The following SLC35G1 variants were observed in gnomAD, a reference collection of about 807,000 sequenced individuals.
SLC35G1 encodes the protein partner of STIM1.
A neutral mutation model predicts 17.1 loss-of-function variants in SLC35G1; 10 were observed. The observed-to-expected ratio is 0.59, with a 90% CI of 0.36 to 0.99. The LOEUF is 0.99. Among genes scored for constraint, SLC35G1 ranks in the 50% least tolerant of loss-of-function variants. The pLI, the probability that SLC35G1 is intolerant of heterozygous loss-of-function variation, is 0.01. For missense variants in SLC35G1, 433 were observed against 468.4 expected (o/e 0.92, Z 0.70); for synonymous variants, 185 against 181.1 (o/e 1.02, Z -0.18).
chr10:93,906,670 G>T (rs1014405554), downstream of SLC35G1, among the ~76,000 whole-genome samples: 1 of 152,088 alleles, frequency 6.6e-6, no homozygotes, highest in African/African-American at 2.4e-5. Flanking sequence ...CATTTTCATG[G>T]GGTTTTTTTA....
downstream of SLC35G1, among the ~76,000 whole-genome samples, chr10:93,905,340 G>C (rs923118788): frequency 3.3e-5 from 5 of 152,052 alleles, no homozygotes; most frequent in Non-Finnish European, 7.4e-5. Context: ...ATGGGTGAAG[G>C]TTGGATATAT....
Position 93,903,142 on chromosome 10 carries a change from A to G in SLC35G1, c.*1652A>G, listed in dbSNP as rs2060405319. 6.6e-6 allele frequency: 1 copy of G among 152,124 alleles called. No individual in the cohort carries two copies. Among genetic ancestry groups the G allele is most frequent in the African/African-American group, 2.4e-5 (1 of 41,422 alleles). The allele number at this position is 152,124 out of a possible 1,614,324, so 9.4% of individuals were successfully genotyped here. On this transcript the variant is annotated 3_prime_UTR_variant, in exon 3 of 3. Coordinates refer to ENST00000427197, the MANE Select transcript of SLC35G1 (RefSeq NM_001134658.3). ...CTTTTCCAATAGTTCCAATGGGGGA[A>G]TTTTTGGCTTGCTGATTTTATCAAT...
At chr10:93,898,868 C>G (rs2060356055) in intron 2 of SLC35G1, 117 bp downstream of exon 2, 1 of 1,001,774 alleles carries the variant, frequency 1.0e-6, no homozygotes, top group African/African-American at 1.7e-5. Flanking sequence ...GTTCCTATGC[C>G]CCTTGGCTCT....
In SLC35G1 at chr10:93,894,110, G is replaced by T. The variant is rs527642937; in HGVS notation, c.77G>T (p.Gly26Val). The part of the protein sequence containing the change: ...GLPLTDDAPP[G>V]ATEEPAAAEA... ...CCGCTAACGGACGATGCACCCCCGG[G>T]CGCCACTGAGGAGCCGGCGGCCGCC... Residue 26 changes from glycine (G) to valine (V), a missense_variant, in exon 1 of 3, where the codon GGC becomes GTC. By Grantham distance (109) the Gly-to-Val change is moderately radical. Transcript: ENST00000427197. 3.3e-4 allele frequency: 484 copies of T among 1,488,860 alleles called. No homozygotes were observed. The highest frequency in any genetic ancestry group is 4.1e-4 in the Non-Finnish European group (460 of 1,127,068). The allele number at this position is 1,488,860 out of a possible 1,614,324, so 92.2% of individuals were successfully genotyped here. A position where few individuals can be genotyped will look rare whatever the true frequency, so the allele number is the denominator to read the frequency against.
At position 93,901,365 on chromosome 10, in the gene SLC35G1, G is replaced by A; in HGVS notation, c.973G>A (p.Ala325Thr). ...AIMKTMDVVFAFIFQIIFFNN... is the reference protein window; with the variant it reads ...AIMKTMDVVFTFIFQIIFFNN... ...AATGAAGACAATGGATGTGGTCTTT[G>A]CTTTTATCTTTCAGATTATTTTCTT... The change falls in exon 3 of 3, where the codon GCT becomes ACT. Residue 325 changes from alanine (A) to threonine (T), a missense_variant. Ala to Thr is a moderately conservative substitution (Grantham distance 58). Transcript: ENST00000427197. The A allele has an allele frequency of 6.2e-7, 1 of 1,614,010 alleles. No homozygotes were observed. The highest frequency in any genetic ancestry group is 1.7e-5 in the Admixed American group (1 of 59,996).
chr10:93,906,096 C>T (rs1466061640), downstream of SLC35G1, among the ~76,000 whole-genome samples: 1 of 152,120 alleles, frequency 6.6e-6, no homozygotes, highest in Admixed American at 6.5e-5. Flanking sequence ...CAAGAACATA[C>T]CAGAAAGAGA....
Position 93,894,041 on chromosome 10 carries a change from C to G in SLC35G1, c.8C>G (p.Pro3Arg). 2 of 1,465,628 alleles carry G rather than the reference C, an allele frequency of 1.4e-6. No homozygotes were observed. The highest frequency in any genetic ancestry group is 1.3e-5 in the South Asian group (1 of 76,182). 90.8% of individuals were successfully genotyped at this position (1,465,628 alleles called of 1,614,324 possible). Residue 3 changes from proline to arginine, a missense_variant, in exon 1 of 3, where the codon CCT (proline) becomes CGT (arginine). Physicochemically the swap from Pro to Arg is moderately radical, Grantham distance 103. Transcript: ENST00000427197. The stretch of plus-strand genomic sequence containing the variant: ...TAGAGCGCGTGCCGCGAGATGCGGC[C>G]TCAGGACAGCACCGGGGTCGCGGAG... MR[P>R]QDSTGVAELQ...
intron 1 of SLC35G1, among the ~76,000 whole-genome samples, chr10:93,897,395 A>G (rs1311538225): frequency 1.3e-5 from 2 of 152,222 alleles, no homozygotes; most frequent in African/African-American, 4.8e-5. Context: ...ATCACATTAT[A>G]AAGTCCTAGA....
At chr10:93,907,009 A>G (rs1482163628), downstream of SLC35G1, 3 of 152,220 alleles carry the variant, frequency 2.0e-5, no homozygotes, top group Admixed American at 2.0e-4. Flanking sequence ...ATAAAAAGCA[A>G]TGCCACTCTT....
Position 93,903,235 on chromosome 10 carries a change from A to G in SLC35G1, c.*1745A>G, listed in dbSNP as rs988223420. On this transcript the variant is annotated 3_prime_UTR_variant, in exon 3 of 3. Coordinates refer to ENST00000427197, the MANE Select transcript of SLC35G1 (RefSeq NM_001134658.3). ...GAGTCATCTCTGTTCCACCTGATTT[A>G]CAGTATTGGAATTTAGACTTGCAAA... 2 of 152,176 alleles carry G rather than the reference A, an allele frequency of 1.3e-5. No individual in the cohort carries two copies. Among genetic ancestry groups the G allele is most frequent in the Non-Finnish European group, 1.5e-5 (1 of 68,030 alleles). The allele number at this position is 152,176 out of a possible 1,614,324, so 9.4% of individuals were successfully genotyped here. A position where few individuals can be genotyped will look rare whatever the true frequency, so the allele number is the denominator to read the frequency against.
In SLC35G1 at chr10:93,901,376, T is replaced by G. The variant is rs995205815; in HGVS notation, c.984T>G (p.Phe328Leu). The change falls in exon 3 of 3, where the codon TTT (phenylalanine) becomes TTG (leucine). Residue 328 changes from phenylalanine to leucine, a missense_variant. Physicochemically the swap from Phe to Leu is conservative, Grantham distance 22. Transcript: ENST00000427197. ...KTMDVVFAFI[F>L]QIIFFNNVPT... ...TGGATGTGGTCTTTGCTTTTATCTTTCAGATTATTTTCTTTAATAATGTGC... is the reference window on the plus strand; with the variant it reads ...TGGATGTGGTCTTTGCTTTTATCTTGCAGATTATTTTCTTTAATAATGTGC... 1.2e-6 allele frequency: 2 copies of G among 1,614,108 alleles called. No homozygotes were observed. The highest frequency in any genetic ancestry group is 1.7e-6 in the Non-Finnish European group (2 of 1,179,972).
At position 93,901,283 on chromosome 10, in the gene SLC35G1, G is replaced by A. The variant is rs751871980; in HGVS notation, c.891G>A (p.Gly297=). 1 of 1,613,832 alleles carries A rather than the reference G, an allele frequency of 6.2e-7. No homozygotes were observed. The highest frequency in any genetic ancestry group is 1.1e-5 in the South Asian group (1 of 91,044). The change falls in exon 3 of 3, where the codon GGG becomes GGA. Residue 297 remains glycine, a synonymous_variant. Coordinates refer to ENST00000427197, the MANE Select transcript of SLC35G1 (RefSeq NM_001134658.3). ...FLIFIGLFGL[G]GQIFITKALQ... ...TATTCATTGGGCTCTTTGGTTTGGG[G>A]GGTCAGATATTTATCACAAAAGCAC...
In SLC35G1 at chr10:93,900,800, A is replaced by G; in HGVS notation, c.408A>G (p.Arg136=). Residue 136 remains arginine (R), a synonymous_variant, in exon 3 of 3, where the codon AGA becomes AGG. Transcript: ENST00000427197. The part of the protein sequence containing the change: ...PKGQRIFLIL[R]GVLGSTAMML... ...GTCAACGAATTTTCCTCATTCTCAGAGGAGTCCTTGGTTCTACCGCCATGA... is the reference window on the plus strand; with the variant it reads ...GTCAACGAATTTTCCTCATTCTCAGGGGAGTCCTTGGTTCTACCGCCATGA... 3 of 1,613,308 alleles carry G rather than the reference A, an allele frequency of 1.9e-6. No homozygotes were observed. The highest frequency in any genetic ancestry group is 2.5e-6 in the Non-Finnish European group (3 of 1,179,444).
At position 93,900,984 on chromosome 10, in the gene SLC35G1, A is replaced by G. The variant is rs1479780755; in HGVS notation, c.592A>G (p.Ile198Val). 1 of 1,614,046 alleles carries G rather than the reference A, an allele frequency of 6.2e-7. No homozygotes were observed. The highest frequency in any genetic ancestry group is 1.3e-5 in the African/African-American group (1 of 75,030). The change falls in exon 3 of 3, where the codon ATC (isoleucine) becomes GTC (valine). Residue 198 changes from isoleucine (I) to valine (V), a missense_variant. Coordinates refer to ENST00000427197, the MANE Select transcript of SLC35G1 (RefSeq NM_001134658.3). The stretch of plus-strand genomic sequence containing the variant: ...CACCGTGTTCACAATCACTGGAGTG[A>G]TCCTTATCGTGAGACCACCATTTTT... ...LFTVFTITGV[I>V]LIVRPPFLFG...
At chr10:93,896,904 T>TTTCTATGTAGGGGTTGAGTTTC (rs2060335573) in intron 1 of SLC35G1, among the ~76,000 whole-genome samples, 1 of 151,912 alleles carries the variant, frequency 6.6e-6, no homozygotes, top group African/African-American at 2.4e-5. Flanking sequence ...GAGGGTGGAG[T>TTTCTATGTAGGGGTTGAGTTTC]TTCTATGTAG....
At chr10:93,898,382 A>T (rs1001245984) in intron 1 of SLC35G1, among the ~76,000 whole-genome samples, 189 bp from the exon 2 acceptor site, 1 of 152,204 alleles carries the variant, frequency 6.6e-6, no homozygotes, top group Non-Finnish European at 1.5e-5. Flanking sequence ...TGCAGGTTTA[A>T]ATTGTTATCC....
At chr10:93,899,713 C>G (rs1456279399) in intron 2 of SLC35G1, among the ~76,000 whole-genome samples, 1 of 152,176 alleles carries the variant, frequency 6.6e-6, no homozygotes, top group Non-Finnish European at 1.5e-5. Context: ...CTGCAAATTT[C>G]TGTCAATGCG....
chr10:93,894,615 G>T (rs1820363), intron 1 of SLC35G1, among the ~76,000 whole-genome samples: 12,331 of 151,966 alleles, frequency 0.081, 1,689 homozygotes, highest in African/African-American at 0.28. Flanking sequence ...GTGGTTAAGG[G>T]TTCTCTCCGA....
Position 93,902,971 on chromosome 10 carries a change from C to T in SLC35G1, c.*1481C>T, listed in dbSNP as rs1416717964. ...TTGGTGAGGTTGCAATAGCTTCCAG[C>T]TCTTACTGTGTCAGATGAAGCATCT... On this transcript the variant is annotated 3_prime_UTR_variant, in exon 3 of 3. Coordinates refer to ENST00000427197, the MANE Select transcript of SLC35G1 (RefSeq NM_001134658.3). 1 of 152,164 alleles carries T rather than the reference C, an allele frequency of 6.6e-6. No individual in the cohort carries two copies. Among genetic ancestry groups the T allele is most frequent in the African/African-American group, 2.4e-5 (1 of 41,438 alleles). 9.4% of individuals were successfully genotyped at this position (152,164 alleles called of 1,614,324 possible). A position where few individuals can be genotyped will look rare whatever the true frequency, so the allele number is the denominator to read the frequency against.
Sources: allele counts gnomAD v4.1 joint callset (sites outside exome capture counted in the v4.1 genomes callset), GRCh38; gene constraint gnomAD v4.1.1; transcripts MANE v1.5; gene names NCBI Gene and HGNC (gene_info 2026-07-23, HGNC 2026-07-21).